IFTAP: variants seen among roughly 807,000 people sequenced by gnomAD.
IFTAP encodes intraflagellar transport associated protein.
In IFTAP, 19 loss-of-function variants were observed where a neutral mutation model predicts 19.4. The observed-to-expected ratio is 0.98, with a 90% CI of 0.68 to 1.44. The LOEUF (loss-of-function observed/expected upper bound fraction) is 1.44. Among genes scored for constraint, IFTAP ranks in the 40% most tolerant of loss-of-function variants. The pLI, the probability that IFTAP is intolerant of heterozygous loss-of-function variation, is 0.00. For missense variants in IFTAP, 240 were observed against 253.6 expected (o/e 0.95, Z 0.36); for synonymous variants, 85 against 83.5 (o/e 1.02, Z -0.10).
At chr11:36,640,402 A>G (rs1346855735) in intron 4 of IFTAP, among the ~76,000 whole-genome samples, 1 of 152,198 alleles carries the variant, frequency 6.6e-6, no homozygotes, top group Non-Finnish European at 1.5e-5. Context: ...TTTATTCTTA[A>G]GTATACCTCT....
chr11:36,651,149 T>A (rs1853707231), intron 5 of IFTAP, among the ~76,000 whole-genome samples: 1 of 152,242 alleles, frequency 6.6e-6, no homozygotes, highest in Non-Finnish European at 1.5e-5. Flanking sequence ...CCACAATGGT[T>A]GAACTAGTTT....
At chr11:36,633,158 G>T in intron 2 of IFTAP, 126 bp from the exon 3 acceptor site, 3 of 801,736 alleles carry the variant, frequency 3.7e-6, no homozygotes, top group Non-Finnish European at 3.6e-6. Flanking sequence ...ATGCCTCAAG[G>T]GTTCGGTTTG....
chr11:36,616,091 T>A (rs1368789824), intron 2 of IFTAP, among the ~76,000 whole-genome samples: 3 of 151,980 alleles, frequency 2.0e-5, no homozygotes, highest in African/African-American at 4.8e-5. Flanking sequence ...TCTTTTCAAC[T>A]CCATTTTATG....
intron 1 of IFTAP, 28 bp from the exon 2 acceptor site, chr11:36,610,053 C>T: frequency 6.3e-7 from 1 of 1,595,324 alleles, no homozygotes; most frequent in Admixed American, 1.7e-5. Context: ...GCCTGATTCT[C>T]TCTAGCTGGT....
chr11:36,621,271 C>G (rs926236666), intron 2 of IFTAP, among the ~76,000 whole-genome samples: 4 of 151,948 alleles, frequency 2.6e-5, no homozygotes, highest in Admixed American at 6.6e-5. Context: ...GTTCTTTTAG[C>G]CGTGAAACAA....
At chr11:36,605,360 T>C (rs2133364178) in intron 1 of IFTAP, among the ~76,000 whole-genome samples, 1 of 145,360 alleles carries the variant, frequency 6.9e-6, no homozygotes, top group South Asian at 2.2e-4. Context: ...AGAAGCAAGC[T>C]TGTGGTGATT....
At chr11:36,641,580 G>T (rs1206049811) in intron 4 of IFTAP, among the ~76,000 whole-genome samples, 1 of 152,132 alleles carries the variant, frequency 6.6e-6, no homozygotes, top group Admixed American at 6.5e-5. Context: ...GTAGTTGAGC[G>T]GTTTTGAGTG....
intron 1 of IFTAP, among the ~76,000 whole-genome samples, chr11:36,599,543 TA>T (rs2133345209): frequency 6.6e-6 from 1 of 152,358 alleles, no homozygotes; most frequent in South Asian, 2.1e-4. Flanking sequence ...ATGTACATAG[TA>T]AATCTTACCT....
intron 2 of IFTAP, among the ~76,000 whole-genome samples, chr11:36,611,732 G>T (rs1254150508): frequency 1.3e-5 from 2 of 151,972 alleles, no homozygotes; most frequent in East Asian, 3.9e-4. Context: ...AAAAATTTAG[G>T]AACTAGCTAG....
At chr11:36,600,476 A>C (rs12272335) in intron 1 of IFTAP, among the ~76,000 whole-genome samples, 23,145 of 152,218 alleles carry the variant, frequency 0.15, 2,511 homozygotes, top group African/African-American at 0.31. Flanking sequence ...CTAGGTTGTG[A>C]GTTCCTTATG....
chr11:36,645,395 C>T (rs998253422), intron 4 of IFTAP, among the ~76,000 whole-genome samples: 8 of 152,066 alleles, frequency 5.3e-5, no homozygotes, highest in Non-Finnish European at 7.4e-5. Flanking sequence ...TTGAAAGTGG[C>T]CCTGATTCTA....
intron 2 of IFTAP, among the ~76,000 whole-genome samples, chr11:36,623,707 A>G (rs16929201): frequency 0.11 from 17,264 of 152,220 alleles, 1,155 homozygotes; most frequent in African/African-American, 0.17. Context: ...ATTAGCAAGT[A>G]CACAGACAAG....
chr11:36,643,926 A>G (rs1853347151), intron 4 of IFTAP, among the ~76,000 whole-genome samples: 1 of 152,230 alleles, frequency 6.6e-6, no homozygotes, highest in African/African-American at 2.4e-5. Context: ...ACCATTGAGG[A>G]CACAGGCATG....
intron 2 of IFTAP, among the ~76,000 whole-genome samples, chr11:36,629,955 T>A (rs1852667521): frequency 6.6e-6 from 1 of 151,440 alleles, no homozygotes; most frequent in South Asian, 2.1e-4. Context: ...GAAATATTGC[T>A]GTTAGATTTC....
intron 2 of IFTAP, among the ~76,000 whole-genome samples, chr11:36,631,895 C>T (rs1389099462): frequency 1.3e-5 from 2 of 151,142 alleles, no homozygotes; most frequent in African/African-American, 2.5e-5. Flanking sequence ...CTTAGTTCTT[C>T]TTTGACTATT....
At chr11:36,653,552 G>A (rs1367015035) in intron 5 of IFTAP, among the ~76,000 whole-genome samples, 2 of 152,018 alleles carry the variant, frequency 1.3e-5, no homozygotes, top group South Asian at 2.1e-4. Flanking sequence ...ACTCTAACAC[G>A]AACTGAACTT....
chr11:36,655,567 A>G (rs1434928354), intron 5 of IFTAP, among the ~76,000 whole-genome samples: 1 of 152,140 alleles, frequency 6.6e-6, no homozygotes, highest in African/African-American at 2.4e-5. Context: ...AAAATATCTC[A>G]ATGATTGCAG....
intron 3 of IFTAP, among the ~76,000 whole-genome samples, chr11:36,634,510 C>T (rs1389922918): frequency 2.6e-5 from 4 of 152,012 alleles, no homozygotes; most frequent in African/African-American, 7.2e-5. Context: ...TTAACAAAAA[C>T]GGGAAGGGGA....
intron 2 of IFTAP, among the ~76,000 whole-genome samples, chr11:36,627,272 A>C (rs137879064): frequency 1.3e-5 from 2 of 151,292 alleles, no homozygotes; most frequent in East Asian, 3.9e-4. Context: ...ATGGTGGTAC[A>C]ACTTTGTATA....
Sources: allele counts gnomAD v4.1 joint callset (sites outside exome capture counted in the v4.1 genomes callset), GRCh38; gene constraint gnomAD v4.1.1; transcripts MANE v1.5; gene names NCBI Gene and HGNC (gene_info 2026-07-23, HGNC 2026-07-21).